EGLN1: variants seen among roughly 807,000 people sequenced by gnomAD.
EGLN1 encodes egl-9 family hypoxia inducible factor 1.
A neutral mutation model predicts 38.3 loss-of-function variants in EGLN1; 17 were observed. The observed-to-expected ratio is 0.44, with a 90% CI of 0.30 to 0.67. The LOEUF (loss-of-function observed/expected upper bound fraction) is 0.67. EGLN1 is among the 30% of genes least tolerant of loss of function. The probability of loss-of-function intolerance (pLI) is 0.08; values close to 1 mark genes in which losing one functional copy is unlikely to be tolerated. For synonymous variants in EGLN1, 283 were observed against 257.5 expected, an observed-to-expected ratio of 1.10 and a Z score of -0.95; for missense variants, 477 against 603.3, an observed-to-expected ratio of 0.79 and a Z score of 2.19.
At chr1:231,372,529 C>CA (rs1687853292) in intron 2 of EGLN1, among the ~76,000 whole-genome samples, 1 of 152,014 alleles carries the variant, frequency 6.6e-6, no homozygotes, top group Admixed American at 6.5e-5. Context: ...TAGCTATTCA[C>CA]AAAATCTGAA....
chr1:231,412,831 A>C (rs1688988209), intron 1 of EGLN1, among the ~76,000 whole-genome samples: 1 of 152,208 alleles, frequency 6.6e-6, no homozygotes, highest in East Asian at 1.9e-4. Flanking sequence ...GAAGAAAAGC[A>C]GAAGACTTAG....
Position 231,421,520 on chromosome 1 carries a change from G to T in EGLN1, c.369C>A (p.Ala123=). The T allele has an allele frequency of 7.6e-7, 1 of 1,308,922 alleles. No individual in the cohort carries two copies. Among genetic ancestry groups the T allele is most frequent in the Non-Finnish European group, 9.7e-7 (1 of 1,029,612 alleles). 81.1% of individuals were successfully genotyped at this position (1,308,922 alleles called of 1,614,324 possible). Residue 123 remains alanine, a synonymous_variant, in exon 1 of 5, where the codon GCC becomes GCA. Coordinates refer to ENST00000366641, the MANE Select transcript of EGLN1 (RefSeq NM_022051.3). This position sits in a 1 kb window ranked among gnomAD's most constrained non-coding sequence, Gnocchi z 5.5. The stretch of plus-strand genomic sequence containing the variant: ...CGGCGGCCGCACGACACGGCGACGC[G>T]GCCGCCGCTGGGTCGGCCGGGGGCT... The part of the protein sequence containing the change: ...KAKPPADPAA[A]ASPCRAAAGG...
At chr1:231,373,326 ATCCATAGATAATC>A (rs1449877450) in intron 2 of EGLN1, among the ~76,000 whole-genome samples, 1 of 152,150 alleles carries the variant, frequency 6.6e-6, no homozygotes, top group Non-Finnish European at 1.5e-5. Context: ...CTTAACAATT[ATCCATAGATAATC>A]TCCCCCAAAA....
chr1:231,383,293 C>A (rs749072257), intron 1 of EGLN1, among the ~76,000 whole-genome samples: 2 of 152,030 alleles, frequency 1.3e-5, no homozygotes, highest in African/African-American at 4.8e-5. Flanking sequence ...CTCCAAAGAA[C>A]AGCAGTACCT....
At chr1:231,391,092 TTGTGTGTGTGTGTG>T (rs763284659) in intron 1 of EGLN1, among the ~76,000 whole-genome samples, 925 of 67,364 alleles carry the variant, frequency 0.014, 40 homozygotes, top group African/African-American at 0.041. Context: ...TGTTTTTTTT[TTGTGTGTGTGTGTG>T]TGTGTGTGTG....
intron 1 of EGLN1, among the ~76,000 whole-genome samples, chr1:231,386,823 C>T (rs16854194): frequency 0.032 from 4,886 of 152,194 alleles, 265 homozygotes; most frequent in African/African-American, 0.11. Flanking sequence ...CCATCCATTG[C>T]TAAAGATTGA....
At position 231,366,137 on chromosome 1, in the gene EGLN1, C is replaced by A; in HGVS notation, c.*274G>T. The A allele has an allele frequency of 2.1e-6, 1 of 486,536 alleles. No homozygotes were observed. The highest frequency in any genetic ancestry group is 3.6e-6 in the Non-Finnish European group (1 of 274,300). The allele number at this position is 486,536 out of a possible 1,614,324, so 30.1% of individuals were successfully genotyped here. On this transcript the variant is annotated 3_prime_UTR_variant, in exon 5 of 5. Coordinates refer to ENST00000366641, the MANE Select transcript of EGLN1 (RefSeq NM_022051.3). ...ATATAAGAATGAAAAAAATTCTACACAGGGCACTTATTTCATATCCAGATG... is the reference window on the plus strand; with the variant it reads ...ATATAAGAATGAAAAAAATTCTACAAAGGGCACTTATTTCATATCCAGATG...
intron 1 of EGLN1, among the ~76,000 whole-genome samples, chr1:231,395,115 G>A (rs1210467015): frequency 6.6e-6 from 1 of 152,168 alleles, no homozygotes; most frequent in African/African-American, 2.4e-5. Flanking sequence ...CACCTCCTCA[G>A]AGATCTTTTA....
At chr1:231,380,540 T>C (rs1023627556) in intron 1 of EGLN1, among the ~76,000 whole-genome samples, 1 of 152,106 alleles carries the variant, frequency 6.6e-6, no homozygotes, top group South Asian at 2.1e-4. Flanking sequence ...TATAATAATA[T>C]TGTGATCAAC....
At chr1:231,415,216 T>C (rs1689047826) in intron 1 of EGLN1, among the ~76,000 whole-genome samples, 1 of 149,152 alleles carries the variant, frequency 6.7e-6, no homozygotes, top group Non-Finnish European at 1.5e-5. Context: ...GAGGCTGCAG[T>C]AAGCCATAAT....
chr1:231,373,583 T>C (rs1375142419), intron 2 of EGLN1, among the ~76,000 whole-genome samples: 1 of 152,174 alleles, frequency 6.6e-6, no homozygotes, highest in Non-Finnish European at 1.5e-5. Flanking sequence ...AGTTTGGATA[T>C]ATACGCACAC....
intron 1 of EGLN1, among the ~76,000 whole-genome samples, chr1:231,379,547 G>A (rs1304293061): frequency 6.6e-6 from 1 of 152,214 alleles, no homozygotes; most frequent in Non-Finnish European, 1.5e-5. Context: ...TAGGGTTGCA[G>A]GTGGCTGGGG....
At chr1:231,397,291 T>C (rs1429067417) in intron 1 of EGLN1, among the ~76,000 whole-genome samples, 1 of 152,242 alleles carries the variant, frequency 6.6e-6, no homozygotes, top group African/African-American at 2.4e-5. Flanking sequence ...ACTTATGTTA[T>C]TAAAAGAATG....
chr1:231,375,973 AAAG>A (rs1235654329), intron 1 of EGLN1, among the ~76,000 whole-genome samples: 1 of 152,168 alleles, frequency 6.6e-6, no homozygotes, highest in Non-Finnish European at 1.5e-5. Flanking sequence ...TCTCTTGTGT[AAAG>A]AAGGAAGGGG....
chr1:231,409,695 A>C (rs1688885307), intron 1 of EGLN1, among the ~76,000 whole-genome samples: 1 of 152,310 alleles, frequency 6.6e-6, no homozygotes, highest in Non-Finnish European at 1.5e-5. Flanking sequence ...AATCTTTAAC[A>C]AATCCTAATA....
intron 2 of EGLN1, among the ~76,000 whole-genome samples, chr1:231,372,319 C>T (rs1687847620): frequency 6.6e-6 from 1 of 152,212 alleles, no homozygotes; most frequent in South Asian, 2.1e-4. Flanking sequence ...AACTGACACA[C>T]TACATATTCA....
chr1:231,386,102 C>T (rs956579807), intron 1 of EGLN1, among the ~76,000 whole-genome samples: 2 of 141,814 alleles, frequency 1.4e-5, no homozygotes, highest in Admixed American at 7.3e-5. Context: ...AGGCACGAAC[C>T]ACCATGCCCG....
rs1309629878 is a variant in EGLN1 at position 231,421,401 on chromosome 1, T to G, written c.488A>C (p.Tyr163Ser). Residue 163 changes from tyrosine to serine, a missense_variant, in exon 1 of 5, where the codon TAC (tyrosine) becomes TCC (serine). This residue lies in a region of EGLN1 where 298 missense variants were observed against 288.9 expected (regional missense o/e 1.03). Coordinates refer to ENST00000366641, the MANE Select transcript of EGLN1 (RefSeq NM_022051.3). This position sits in a 1 kb window ranked among gnomAD's most constrained non-coding sequence, Gnocchi z 5.5. Reference sequence around the variant, plus strand: ...ATCCCCGGGCGTGTTGCTTGGGGGGTACAGGTTCGCCTTCTCCTGGAACAG... The same window carrying G: ...ATCCCCGGGCGTGTTGCTTGGGGGGGACAGGTTCGCCTTCTCCTGGAACAG... ...SSLFQEKANL[Y>S]PPSNTPGDAL... The G allele has an allele frequency of 6.3e-7, 1 of 1,599,640 alleles. No individual in the cohort carries two copies. The highest frequency in any genetic ancestry group is 1.7e-5 in the Admixed American group (1 of 59,128).
intron 1 of EGLN1, among the ~76,000 whole-genome samples, chr1:231,387,212 T>C (rs1688235872): frequency 1.4e-5 from 2 of 145,076 alleles, no homozygotes; most frequent in Admixed American, 7.0e-5. Flanking sequence ...GATGTCAAAA[T>C]AACACCGGCA....
Sources: gnomAD v4.1 joint callset for allele counts (sites outside exome capture counted in the v4.1 genomes callset) on GRCh38, gnomAD v4.1.1 for gene constraint, gnomAD v4.1.1 regional missense constraint, Gnocchi (gnomAD v3.1) non-coding constraint, MANE v1.5 for transcripts, NCBI Gene and HGNC (gene_info 2026-07-23, HGNC 2026-07-21) for gene names.